Variants in PRKG1 observed in about 807,000 individuals in gnomAD.
PRKG1 encodes cGMP-dependent protein kinase 1.
Under a neutral mutation model 88.1 loss-of-function variants are expected in PRKG1, and 35 were observed. That is an observed-to-expected ratio of 0.40 (90% CI 0.30 to 0.53). PRKG1 has a LOEUF of 0.53. Ranked by LOEUF, PRKG1 falls within the 20% of genes least tolerant of loss-of-function variation. The probability of loss-of-function intolerance (pLI) is 0.59; values close to 1 mark genes in which losing one functional copy is unlikely to be tolerated. For missense variants in PRKG1, 540 were observed against 839.8 expected (o/e 0.64, Z 4.41); for synonymous variants, 303 against 292.5 (o/e 1.04, Z -0.37).
At chr10:51,398,847 T>C (rs964350575) in intron 2 of PRKG1, among the ~76,000 whole-genome samples, 60 of 152,238 alleles carry the variant, frequency 3.9e-4, no homozygotes, top group African/African-American at 1.1e-3. Context: ...TCCTTGTTCC[T>C]GAAGACCTGG....
intron 3 of PRKG1, among the ~76,000 whole-genome samples, chr10:51,604,438 A>T (rs780622730): frequency 6.6e-6 from 1 of 152,206 alleles, no homozygotes; most frequent in Non-Finnish European, 1.5e-5. Flanking sequence ...ACTAATAATT[A>T]TCTATGTATT....
At chr10:51,432,432 A>G (rs932769156) in intron 2 of PRKG1, among the ~76,000 whole-genome samples, 2 of 152,208 alleles carry the variant, frequency 1.3e-5, no homozygotes, top group African/African-American at 4.8e-5. Context: ...AACAAAAAAC[A>G]CAACTTCAGA....
intron 2 of PRKG1, among the ~76,000 whole-genome samples, chr10:51,399,781 G>T (rs1178046680): frequency 6.6e-6 from 1 of 152,164 alleles, no homozygotes; most frequent in Non-Finnish European, 1.5e-5. Context: ...AGTGACAACA[G>T]TACACAGTTT....
intron 2 of PRKG1, among the ~76,000 whole-genome samples, chr10:51,368,050 C>T (rs1842625543): frequency 6.6e-6 from 1 of 152,008 alleles, no homozygotes; most frequent in South Asian, 2.1e-4. Context: ...CAAATCCTAC[C>T]TGCTTTCCAG....
intron 2 of PRKG1, among the ~76,000 whole-genome samples, chr10:51,329,688 C>T (rs1379874251): frequency 6.6e-6 from 1 of 152,138 alleles, no homozygotes; most frequent in Non-Finnish European, 1.5e-5. Context: ...GACAGCTTTG[C>T]TGGCTACAGT....
chr10:51,878,546 T>C (rs7921498), intron 4 of PRKG1, among the ~76,000 whole-genome samples: 115,216 of 152,018 alleles, frequency 0.76, 44,144 homozygotes, highest in African/African-American at 0.87. Context: ...GAAAAAAAGT[T>C]TTATAAGAAA....
chr10:51,329,195 T>A (rs1194436214), intron 2 of PRKG1, among the ~76,000 whole-genome samples: 1 of 152,206 alleles, frequency 6.6e-6, no homozygotes, highest in Non-Finnish European at 1.5e-5. Context: ...TTTATAGTTT[T>A]TGGCTTTACA....
chr10:51,633,084 T>A (rs993093439), intron 3 of PRKG1, among the ~76,000 whole-genome samples: 1 of 152,190 alleles, frequency 6.6e-6, no homozygotes, highest in African/African-American at 2.4e-5. Flanking sequence ...TGATTCTGAC[T>A]AGCAGAACAC....
In PRKG1 at chr10:51,907,581, T is replaced by C; in HGVS notation, c.762+11T>C. 1 of 1,611,700 alleles carries C rather than the reference T, an allele frequency of 6.2e-7. No homozygotes were observed. The highest frequency in any genetic ancestry group is 8.5e-7 in the Non-Finnish European group (1 of 1,177,972). ...GATGTCCTTGAAGAGGTAATTGTTT[T>C]TAGCCTTTGAACTTTTTGAGATGGG... On this transcript the variant is annotated intron_variant, in intron 5 of 17. Coordinates refer to ENST00000373980, the MANE Select transcript of PRKG1 (RefSeq NM_006258.4).
chr10:51,917,465 C>T (rs561430431), intron 5 of PRKG1, among the ~76,000 whole-genome samples: 5 of 152,164 alleles, frequency 3.3e-5, no homozygotes, highest in Non-Finnish European at 2.9e-5. Context: ...TAATGTCTCA[C>T]TAAAGCTGTT....
intron 9 of PRKG1, among the ~76,000 whole-genome samples, chr10:52,187,945 A>G (rs1000196880): frequency 4.6e-5 from 7 of 152,260 alleles, no homozygotes; most frequent in Admixed American, 2.6e-4. Flanking sequence ...GATAGGATGT[A>G]GAATTGTTAA....
At chr10:52,036,791 T>C (rs1406336759) in intron 5 of PRKG1, among the ~76,000 whole-genome samples, 1 of 151,306 alleles carries the variant, frequency 6.6e-6, no homozygotes, top group Non-Finnish European at 1.5e-5. Flanking sequence ...CTTAAAAGAG[T>C]ATTGTCTAAG....
At chr10:51,196,605 G>T (rs963511551) in intron 2 of PRKG1, among the ~76,000 whole-genome samples, 3 of 152,132 alleles carry the variant, frequency 2.0e-5, no homozygotes, top group African/African-American at 7.2e-5. Context: ...AATGCCTTAA[G>T]TTTGATAACA....
chr10:51,852,213 GTATA>G (rs10650535), intron 4 of PRKG1, among the ~76,000 whole-genome samples: 5 of 143,284 alleles, frequency 3.5e-5, no homozygotes, highest in African/African-American at 7.9e-5. Flanking sequence ...TTTTATATGT[GTATA>G]TATATATATA....
intron 1 of PRKG1, among the ~76,000 whole-genome samples, chr10:51,085,706 A>G (rs1323682902): frequency 6.6e-6 from 1 of 152,138 alleles, no homozygotes; most frequent in Admixed American, 6.5e-5. Context: ...TGTTAGAGGA[A>G]AATCTTTTTA....
chr10:51,281,061 T>G (rs1840280708), intron 2 of PRKG1, among the ~76,000 whole-genome samples: 1 of 152,222 alleles, frequency 6.6e-6, no homozygotes, highest in South Asian at 2.1e-4. Flanking sequence ...TCCTTTCTGT[T>G]TGTTAGTTTT....
chr10:51,559,231 G>A (rs1417985686), intron 3 of PRKG1, among the ~76,000 whole-genome samples: 3 of 152,008 alleles, frequency 2.0e-5, no homozygotes, highest in Admixed American at 6.6e-5. Context: ...AGCACAGCAT[G>A]TATTACTTCA....
chr10:51,170,125 G>A (rs890826643), intron 2 of PRKG1, among the ~76,000 whole-genome samples: 2 of 151,980 alleles, frequency 1.3e-5, no homozygotes, highest in African/African-American at 4.8e-5. Context: ...TAAGCACACT[G>A]GTCAGATTGG....
At position 51,381,256 on chromosome 10, in the gene PRKG1, T is replaced by TAAAAAAAAAAAAAAAAAAAAAAAAA. The variant is rs71029366; in HGVS notation, c.479-86447_479-86423dup. Among the ~76,000 whole-genome samples the TAAAAAAAAAAAAAAAAAAAAAAAAA allele has an allele frequency of 4.7e-4, 15 of 32,058 alleles. 2 individuals are homozygous for TAAAAAAAAAAAAAAAAAAAAAAAAA. The highest frequency in any genetic ancestry group is 1.3e-3 in the East Asian group (1 of 788). The allele number at this position is 32,058 out of a possible 152,430, so 21.0% of individuals were successfully genotyped here. A position where few individuals can be genotyped will look rare whatever the true frequency, so the allele number is the denominator to read the frequency against. On this transcript the variant is annotated intron_variant, in intron 2 of 17. Coordinates refer to ENST00000373980, the MANE Select transcript of PRKG1 (RefSeq NM_006258.4). ...TGGGCAACAGAGCAAGCCTCCATCT[T>TAAAAAAAAAAAAAAAAAAAAAAAAA]AAAAAAAAAAAAAAAAAAAAAAAAA...
Sources: allele counts gnomAD v4.1 joint callset (sites outside exome capture counted in the v4.1 genomes callset), GRCh38; gene constraint gnomAD v4.1.1; transcripts MANE v1.5; gene names NCBI Gene and HGNC (gene_info 2026-07-23, HGNC 2026-07-21).